Variants in EYA2 observed in about 807,000 individuals in gnomAD.
The protein encoded by EYA2 is EYA transcriptional coactivator and phosphatase 2, also known as protein phosphatase EYA2.
EYA2 carries 31 observed loss-of-function variants against 69.2 expected under a neutral mutation model. The observed-to-expected ratio is 0.45, with a 90% CI of 0.34 to 0.60. The LOEUF is 0.60. Ranked by LOEUF, EYA2 falls within the 20% of genes least tolerant of loss-of-function variation. The pLI, the probability that EYA2 is intolerant of heterozygous loss-of-function variation, is 0.02. For synonymous variants in EYA2, 257 were observed against 279.4 expected, an observed-to-expected ratio of 0.92 and a Z score of 0.80; for missense variants, 622 against 701.2, an observed-to-expected ratio of 0.89 and a Z score of 1.28.
rs188056104 is a variant in EYA2 at position 46,936,765 on chromosome 20, C to T, written c.-11+41778C>T. On this transcript the variant is annotated intron_variant, in intron 1 of 15. Transcript: ENST00000327619. ...TCCTAGGCTGACCGGAGGGGTGTCC[C>T]GTCCCCCGCTTTCCCTCGACGGTTC... 1.3e-4 allele frequency among the ~76,000 whole-genome samples: 20 copies of T among 152,248 alleles called. No homozygotes were observed. The East Asian group carries it at 2.3e-3, about 18-fold the overall frequency.
At chr20:47,152,066 G>A (rs1211106236) in intron 10 of EYA2, among the ~76,000 whole-genome samples, 1 of 152,008 alleles carries the variant, frequency 6.6e-6, no homozygotes, top group African/African-American at 2.4e-5. Flanking sequence ...GAACTCTAGA[G>A]GTTAGCAATC....
At chr20:46,923,774 A>G (rs1985287964) in intron 1 of EYA2, among the ~76,000 whole-genome samples, 1 of 152,148 alleles carries the variant, frequency 6.6e-6, no homozygotes, top group African/African-American at 2.4e-5. Flanking sequence ...CATCTGGGTA[A>G]AAGATCTGTG....
At chr20:47,128,027 C>A (rs185012475) in intron 9 of EYA2, among the ~76,000 whole-genome samples, 114 of 152,246 alleles carry the variant, frequency 7.5e-4, no homozygotes, top group African/African-American at 2.6e-3. Flanking sequence ...CACAAACACA[C>A]CTGTTTTTGA....
chr20:47,020,771 T>C (rs1983702984), intron 5 of EYA2, among the ~76,000 whole-genome samples: 1 of 152,146 alleles, frequency 6.6e-6, no homozygotes, highest in African/African-American at 2.4e-5. Flanking sequence ...ACTGGTATCA[T>C]AGTGAGAGAG....
intron 1 of EYA2, among the ~76,000 whole-genome samples, chr20:46,930,367 T>C (rs1309778100): frequency 6.6e-6 from 1 of 152,198 alleles, no homozygotes; most frequent in Non-Finnish European, 1.5e-5. Flanking sequence ...ATTAATCCCA[T>C]CTTAGGGATG....
rs543012821 is a variant in EYA2 at position 46,982,203 on chromosome 20, T to G, written c.-10-7798T>G. Among the ~76,000 whole-genome samples, 11 of 152,228 alleles carry G rather than the reference T, an allele frequency of 7.2e-5. No homozygotes were observed. The East Asian group carries it at 2.1e-3, about 29-fold the overall frequency. ...GAAACAATCTTAATTTTGGTTTGTT[T>G]CATTTTGATTTTGTCTTCATTTTGA... On this transcript the variant is annotated intron_variant, in intron 1 of 15. Transcript: ENST00000327619.
At chr20:46,950,136 G>A (rs1380280350) in intron 1 of EYA2, among the ~76,000 whole-genome samples, 1 of 152,208 alleles carries the variant, frequency 6.6e-6, no homozygotes, top group Non-Finnish European at 1.5e-5. Context: ...GTTTAAAGGT[G>A]GTGGTGGACA....
At chr20:47,026,118 A>G (rs542708127) in intron 5 of EYA2, among the ~76,000 whole-genome samples, 8 of 152,380 alleles carry the variant, frequency 5.3e-5, no homozygotes, top group African/African-American at 1.9e-4. Flanking sequence ...ATAGAGGAGA[A>G]CAAATGGTCT....
At chr20:46,992,618 C>T (rs1042909345) in intron 2 of EYA2, among the ~76,000 whole-genome samples, 3 of 152,200 alleles carry the variant, frequency 2.0e-5, no homozygotes, top group Admixed American at 6.5e-5. Context: ...CTTCAATTCT[C>T]CCACAGTGGT....
intron 9 of EYA2, among the ~76,000 whole-genome samples, chr20:47,136,513 G>T (rs1040300849): frequency 2.0e-5 from 3 of 152,138 alleles, no homozygotes; most frequent in Admixed American, 6.5e-5. Context: ...GGAGGCTGAG[G>T]CAAGAGGATC....
intron 1 of EYA2, among the ~76,000 whole-genome samples, chr20:46,928,267 C>T (rs146066926): frequency 6.6e-6 from 1 of 152,286 alleles, no homozygotes; most frequent in African/African-American, 2.4e-5. Flanking sequence ...AAATGGGAAC[C>T]TGAAACCCTC....
intron 7 of EYA2, among the ~76,000 whole-genome samples, chr20:47,087,067 G>A (rs745544905): frequency 1.3e-5 from 2 of 152,102 alleles, no homozygotes; most frequent in Admixed American, 6.5e-5. Context: ...CAATGTTTGG[G>A]AATCTCTCAT....
At chr20:46,981,983 A>G (rs1318393372) in intron 1 of EYA2, among the ~76,000 whole-genome samples, 1 of 152,210 alleles carries the variant, frequency 6.6e-6, no homozygotes, top group African/African-American at 2.4e-5. Flanking sequence ...ATTATAGGAT[A>G]CATTCTTGAT....
At chr20:46,929,963 A>G (rs1985596433) in intron 1 of EYA2, among the ~76,000 whole-genome samples, 1 of 152,256 alleles carries the variant, frequency 6.6e-6, no homozygotes, top group Non-Finnish European at 1.5e-5. Flanking sequence ...TATTGGGATT[A>G]GATAATGTCC....
At chr20:47,179,536 A>G (rs188204912) in intron 12 of EYA2, among the ~76,000 whole-genome samples, 1 of 106,144 alleles carries the variant, frequency 9.4e-6, no homozygotes, top group Non-Finnish European at 2.1e-5. Context: ...GTAGGTAGAT[A>G]GATGGGTGGA....
chr20:47,041,653 A>G (rs1985075292), intron 5 of EYA2, among the ~76,000 whole-genome samples: 1 of 151,974 alleles, frequency 6.6e-6, no homozygotes, highest in Non-Finnish European at 1.5e-5. Context: ...CATTCAATGA[A>G]CATCTTGTTG....
intron 12 of EYA2, 46 bp from the exon 13 acceptor site, chr20:47,179,752 G>T: frequency 7.1e-7 from 1 of 1,398,818 alleles, no homozygotes; most frequent in Non-Finnish European, 1.0e-6. Flanking sequence ...TCATCCCCCA[G>T]ATCTTTCTAA....
intron 4 of EYA2, among the ~76,000 whole-genome samples, chr20:47,007,764 C>A (rs1982806471): frequency 6.6e-6 from 1 of 151,966 alleles, no homozygotes; most frequent in African/African-American, 2.4e-5. Flanking sequence ...TACAGGCACG[C>A]ACTACCTCCC....
At chr20:46,948,264 G>T (rs552208870) in intron 1 of EYA2, among the ~76,000 whole-genome samples, 1 of 152,262 alleles carries the variant, frequency 6.6e-6, no homozygotes, top group East Asian at 1.9e-4. Flanking sequence ...CAACTATTCA[G>T]TGCAGCAGTT....
Sources: gnomAD v4.1 joint callset for allele counts (sites outside exome capture counted in the v4.1 genomes callset) on GRCh38, gnomAD v4.1.1 for gene constraint, MANE v1.5 for transcripts, NCBI Gene and HGNC (gene_info 2026-07-23, HGNC 2026-07-21) for gene names.